ATG4B: variants seen among roughly 807,000 people sequenced by gnomAD.
ATG4B encodes the protein autophagy related 4B cysteine peptidase, also known as cysteine protease ATG4B.
ATG4B carries 29 observed loss-of-function variants against 56.6 expected under a neutral mutation model. The ratio of observed to expected loss-of-function variants is 0.51; its 90% CI spans 0.38 to 0.70. The LOEUF (loss-of-function observed/expected upper bound fraction) is 0.70. ATG4B is among the 30% of genes least tolerant of loss of function. ATG4B has a pLI of 0.00. For missense variants in ATG4B, 461 were observed against 515.5 expected (o/e 0.89, Z 1.02); for synonymous variants, 224 against 206.1 (o/e 1.09, Z -0.74).
Position 241,673,457 on chromosome 2 carries a change from C to G in ATG4B, c.*1193C>G. ...CAGCTACTGCGGCGTTGGCAGGACT[C>G]GCTGCTGCTGCTGCTGCTTGTGTAG... On this transcript the variant is annotated 3_prime_UTR_variant, in exon 13 of 13. Coordinates refer to ENST00000404914, the MANE Select transcript of ATG4B (RefSeq NM_013325.5). 1.0e-5 allele frequency: 4 copies of G among 385,366 alleles called. 1 individual carries two copies. The highest frequency in any genetic ancestry group is 7.4e-5 in the South Asian group (4 of 53,712). The allele number at this position is 385,366 out of a possible 1,614,324, so 23.9% of individuals were successfully genotyped here. A position where few individuals can be genotyped will look rare whatever the true frequency, so the allele number is the denominator to read the frequency against.
chr2:241,641,938 C>T (rs1003113238), intron 1 of ATG4B, among the ~76,000 whole-genome samples: 1 of 152,124 alleles, frequency 6.6e-6, no homozygotes, highest in African/African-American at 2.4e-5. Flanking sequence ...GGTGCCAGCA[C>T]TTAAATAGCC....
intron 7 of ATG4B, among the ~76,000 whole-genome samples, chr2:241,661,868 CAG>C (rs1475385333): frequency 3.9e-5 from 6 of 152,140 alleles, no homozygotes; most frequent in Non-Finnish European, 7.3e-5. Context: ...CGACAGTAGA[CAG>C]AATGTCACTG....
At chr2:241,662,655 C>A (rs2068624226) in intron 7 of ATG4B, among the ~76,000 whole-genome samples, 1 of 152,230 alleles carries the variant, frequency 6.6e-6, no homozygotes, top group Non-Finnish European at 1.5e-5. Context: ...ACAGTAGGGT[C>A]TGTGCAGGTA....
chr2:241,644,921 C>T (rs2068017197), intron 1 of ATG4B, among the ~76,000 whole-genome samples: 2 of 151,402 alleles, frequency 1.3e-5, no homozygotes, highest in African/African-American at 4.9e-5. Flanking sequence ...TGCACTCCAG[C>T]CTGGGTGACG....
At chr2:241,653,006 GC>G (rs2068268355) in intron 3 of ATG4B, among the ~76,000 whole-genome samples, 1 of 152,226 alleles carries the variant, frequency 6.6e-6, no homozygotes, top group Non-Finnish European at 1.5e-5. Flanking sequence ...GTCACATGCC[GC>G]GCAGTTCCAT....
intron 7 of ATG4B, among the ~76,000 whole-genome samples, chr2:241,664,660 C>G (rs72484053): frequency 0.19 from 29,336 of 152,054 alleles, 3,473 homozygotes; most frequent in East Asian, 0.34. Context: ...ACAACTCCCT[C>G]TCTATAAGAA....
intron 8 of ATG4B, 62 bp downstream of exon 8, chr2:241,666,900 C>T: frequency 6.6e-7 from 1 of 1,506,274 alleles, no homozygotes; most frequent in Non-Finnish European, 8.9e-7. Flanking sequence ...TTCTTAGTCA[C>T]TTTCAGCGCA....
intron 12 of ATG4B, chr2:241,671,837 G>T (rs1418713479): frequency 2.3e-6 from 3 of 1,277,290 alleles, no homozygotes; most frequent in Non-Finnish European, 3.0e-6. Context: ...GTGAGTGGCC[G>T]TGAGCGCGTC....
chr2:241,649,456 A>G (rs2068165032), intron 1 of ATG4B, among the ~76,000 whole-genome samples: 1 of 152,256 alleles, frequency 6.6e-6, no homozygotes, highest in Non-Finnish European at 1.5e-5. Flanking sequence ...AGAAATTCAT[A>G]TGTGATTGAT....
At chr2:241,665,295 T>A (rs1385949856) in intron 7 of ATG4B, among the ~76,000 whole-genome samples, 5 of 151,828 alleles carry the variant, frequency 3.3e-5, no homozygotes, top group African/African-American at 7.3e-5. Context: ...CGAATGAGAG[T>A]GTTCCTGAGA....
Position 241,668,999 on chromosome 2 carries a change from C to T in ATG4B, c.957+314C>T, listed in dbSNP as rs940382087. ...GTGTGAGCCATGGTGAGTGTGTCCC[C>T]CTCACACCTACATTTAAACACACGG... On this transcript the variant is annotated intron_variant, in intron 10 of 12. Coordinates refer to ENST00000404914, the MANE Select transcript of ATG4B (RefSeq NM_013325.5). The surrounding 1 kb of genome is among the most constrained non-coding windows in gnomAD (Gnocchi z 4.2). 5.3e-6 allele frequency: 2 copies of T among 375,030 alleles called. No homozygotes were observed. Among genetic ancestry groups the T allele is most frequent in the Non-Finnish European group, 9.6e-6 (2 of 207,656 alleles). The allele number at this position is 375,030 out of a possible 1,614,324, so 23.2% of individuals were successfully genotyped here.
chr2:241,673,559 C>T lies in ATG4B; in HGVS notation c.*1295C>T, dbSNP rs1206348923. On this transcript the variant is annotated 3_prime_UTR_variant, in exon 13 of 13. Coordinates refer to ENST00000404914, the MANE Select transcript of ATG4B (RefSeq NM_013325.5). Reference sequence around the variant, plus strand: ...CGGCCCACCTGGTAGCAGAGGACACCCCCAGCCCCCCAAGCATTGAAGACA... The same window carrying T: ...CGGCCCACCTGGTAGCAGAGGACACTCCCAGCCCCCCAAGCATTGAAGACA... 4.4e-6 allele frequency: 2 copies of T among 453,604 alleles called. No homozygotes were observed. The highest frequency in any genetic ancestry group is 2.0e-5 in the African/African-American group (1 of 49,812). The allele number at this position is 453,604 out of a possible 1,614,324, so 28.1% of individuals were successfully genotyped here. A position where few individuals can be genotyped will look rare whatever the true frequency, so the allele number is the denominator to read the frequency against.
At chr2:241,656,257 C>T (rs1042513384) in intron 6 of ATG4B, among the ~76,000 whole-genome samples, 3 of 152,288 alleles carry the variant, frequency 2.0e-5, no homozygotes, top group Admixed American at 1.3e-4. Context: ...GTCAGGTTCC[C>T]TGGGGTCCTG....
intron 1 of ATG4B, among the ~76,000 whole-genome samples, chr2:241,645,235 G>A (rs945453065): frequency 6.6e-6 from 1 of 152,160 alleles, no homozygotes; most frequent in Non-Finnish European, 1.5e-5. Flanking sequence ...GAAGAGATGC[G>A]AGTCTGAGAG....
chr2:241,668,381 C>A lies in ATG4B; in HGVS notation c.812-159C>A. ...CTGGTCGCGGGCGGCCTCCTGTGTGCCCCTTTCCCTGATGGTCTGGTGCCC... is the reference window on the plus strand; with the variant it reads ...CTGGTCGCGGGCGGCCTCCTGTGTGACCCTTTCCCTGATGGTCTGGTGCCC... On this transcript the variant is annotated intron_variant, in intron 9 of 12. Coordinates refer to ENST00000404914, the MANE Select transcript of ATG4B (RefSeq NM_013325.5). The surrounding 1 kb of genome is among the most constrained non-coding windows in gnomAD (Gnocchi z 4.2). 1.5e-6 allele frequency: 2 copies of A among 1,356,716 alleles called. No homozygotes were observed. The highest frequency in any genetic ancestry group is 2.0e-6 in the Non-Finnish European group (2 of 978,520). 84.0% of individuals were successfully genotyped at this position (1,356,716 alleles called of 1,614,324 possible).
chr2:241,671,324 G>C lies in ATG4B; in HGVS notation c.1027G>C (p.Gly343Arg), dbSNP rs2068961741. ...GTCTCACTAACAGCTGTCTCTGCTT[G>C]GAGGTGCCCTGCCCATGTTTGAGCT... ...CQQVKKLSLL[G>R]GALPMFELVE... is the part of the protein sequence containing the mutation. Residue 343 changes from glycine to arginine, a missense_variant, in exon 12 of 13, where the codon GGA (glycine) becomes CGA (arginine). Physicochemically the swap from Gly to Arg is moderately radical, Grantham distance 125. Transcript: ENST00000404914. 6.2e-7 allele frequency: 1 copy of C among 1,613,098 alleles called. No homozygotes were observed. Among genetic ancestry groups the C allele is most frequent in the Admixed American group, 1.7e-5 (1 of 59,932 alleles).
intron 12 of ATG4B, 144 bp from the exon 13 acceptor site, chr2:241,672,047 C>T (rs750653911): frequency 1.5e-4 from 223 of 1,454,352 alleles, no homozygotes; most frequent in Admixed American, 4.5e-4. Flanking sequence ...GCACAACCCC[C>T]GGACCTGTTC....
intron 7 of ATG4B, 113 bp from the exon 8 acceptor site, chr2:241,666,532 C>T (rs1575087231): frequency 1.8e-6 from 2 of 1,110,332 alleles, no homozygotes; most frequent in Non-Finnish European, 2.7e-6. Context: ...TCACTGTAAG[C>T]ACCTGGCTTT....
intron 7 of ATG4B, among the ~76,000 whole-genome samples, chr2:241,660,569 T>C (rs2068560024): frequency 6.6e-6 from 1 of 152,202 alleles, no homozygotes; most frequent in Non-Finnish European, 1.5e-5. Flanking sequence ...TTTCTTGAAA[T>C]TTTTATAAAA....
Sources: allele counts gnomAD v4.1 joint callset (sites outside exome capture counted in the v4.1 genomes callset), GRCh38; gene constraint gnomAD v4.1.1; non-coding constraint Gnocchi (gnomAD v3.1); transcripts MANE v1.5; gene names NCBI Gene and HGNC (gene_info 2026-07-23, HGNC 2026-07-21).